Variants in UBAC2 observed in about 807,000 individuals in gnomAD.
UBAC2 encodes the protein UBA domain containing 2.
A neutral mutation model predicts 44.0 loss-of-function variants in UBAC2; 26 were observed. That is an observed-to-expected ratio of 0.59 (90% CI 0.43 to 0.82). The LOEUF (loss-of-function observed/expected upper bound fraction) is 0.82, where lower values mean the gene tolerates loss of function less well. Ranked by LOEUF, UBAC2 falls within the 40% of genes least tolerant of loss-of-function variation. The pLI, the probability that UBAC2 is intolerant of heterozygous loss-of-function variation, is 0.00. For synonymous variants in UBAC2, 155 were observed against 154.3 expected (o/e 1.00, Z -0.04); for missense variants, 329 against 419.4 (o/e 0.78, Z 1.88).
intron 7 of UBAC2, among the ~76,000 whole-genome samples, chr13:99,360,730 C>T (rs1156438100): frequency 6.6e-6 from 1 of 152,152 alleles, no homozygotes; most frequent in African/African-American, 2.4e-5. Context: ...AAGTCTTACC[C>T]CTGTGCTTTG....
chr13:99,273,566 G>C (rs984017454), intron 4 of UBAC2, among the ~76,000 whole-genome samples: 2 of 152,098 alleles, frequency 1.3e-5, no homozygotes, highest in Non-Finnish European at 2.9e-5. Flanking sequence ...TCTCTTGGTA[G>C]GTACCTACCT....
chr13:99,299,297 T>C (rs1477439982), intron 4 of UBAC2, among the ~76,000 whole-genome samples: 1 of 152,238 alleles, frequency 6.6e-6, no homozygotes, highest in Admixed American at 6.5e-5. Context: ...GGCATAGCCA[T>C]ACAGTAGAAT....
At chr13:99,368,025 C>G in intron 8 of UBAC2, 119 bp downstream of exon 8, 1 of 1,228,544 alleles carries the variant, frequency 8.1e-7, no homozygotes, top group East Asian at 2.4e-5. Flanking sequence ...TGACAGCAGT[C>G]CATCTGCCAC....
chr13:99,201,232 C>G, intron 1 of UBAC2: 1 of 1,434,106 alleles, frequency 7.0e-7, no homozygotes, highest in Non-Finnish European at 9.1e-7. Context: ...GGGCAGGTGC[C>G]CTGGTGTTCT....
At chr13:99,256,432 T>C (rs963792122) in intron 4 of UBAC2, 1 of 152,232 alleles carries the variant, frequency 6.6e-6, no homozygotes, top group African/African-American at 2.4e-5. Context: ...AGCTGTTTTC[T>C]AGTGCACAAT....
At chr13:99,380,615 G>A (rs1310635116) in intron 8 of UBAC2, among the ~76,000 whole-genome samples, 3 of 152,284 alleles carry the variant, frequency 2.0e-5, no homozygotes, top group Middle Eastern at 3.4e-3. Context: ...AGCACCCATC[G>A]GAACACCTAT....
intron 7 of UBAC2, among the ~76,000 whole-genome samples, chr13:99,348,602 C>A (rs945241547): frequency 2.0e-5 from 3 of 152,238 alleles, no homozygotes; most frequent in Non-Finnish European, 2.9e-5. Context: ...CTAAGAATTG[C>A]TGTTGTGTTC....
intron 1 of UBAC2, among the ~76,000 whole-genome samples, chr13:99,236,429 G>A (rs528284331): frequency 4.0e-4 from 61 of 152,256 alleles, no homozygotes; most frequent in Non-Finnish European, 7.8e-4. Context: ...CTCAAAAGAA[G>A]ACATACAAAT....
chr13:99,256,771 T>C (rs2043568746), intron 4 of UBAC2, among the ~76,000 whole-genome samples: 1 of 151,018 alleles, frequency 6.6e-6, no homozygotes, highest in African/African-American at 2.4e-5. Flanking sequence ...GCAAATATCA[T>C]TGACTCCTCA....
At chr13:99,232,948 AG>A (rs2043192493) in intron 1 of UBAC2, among the ~76,000 whole-genome samples, 1 of 152,192 alleles carries the variant, frequency 6.6e-6, no homozygotes, top group Admixed American at 6.5e-5. Flanking sequence ...TCTCAAAAAA[AG>A]AAAAGAAAAA....
At chr13:99,336,344 C>T (rs2044788742) in intron 6 of UBAC2, among the ~76,000 whole-genome samples, 2 of 152,202 alleles carry the variant, frequency 1.3e-5, no homozygotes, top group South Asian at 4.1e-4. Flanking sequence ...TAAAGTAGAC[C>T]AGTGTGTGTT....
intron 4 of UBAC2, among the ~76,000 whole-genome samples, chr13:99,280,214 G>A (rs1449097287): frequency 1.3e-5 from 2 of 152,112 alleles, no homozygotes; most frequent in Non-Finnish European, 2.9e-5. Flanking sequence ...GTTTTATAAA[G>A]TTTAACTTGC....
At chr13:99,215,634 G>T (rs912784202) in intron 1 of UBAC2, 3 of 1,333,028 alleles carry the variant, frequency 2.3e-6, no homozygotes, top group African/African-American at 1.4e-5. Flanking sequence ...TCTGTGACCC[G>T]TCGTCCTAGA....
intron 6 of UBAC2, among the ~76,000 whole-genome samples, chr13:99,322,848 G>T (rs1353938494): frequency 6.6e-6 from 1 of 152,170 alleles, no homozygotes; most frequent in Admixed American, 6.5e-5. Flanking sequence ...TAGGACAGGG[G>T]TAGGGAAAAT....
At chr13:99,224,255 C>T (rs988096162) in intron 1 of UBAC2, among the ~76,000 whole-genome samples, 1 of 152,130 alleles carries the variant, frequency 6.6e-6, no homozygotes, top group Non-Finnish European at 1.5e-5. Flanking sequence ...TGGGTCCCTC[C>T]CTTTTCTTAA....
At chr13:99,320,340 G>A (rs528054035) in intron 6 of UBAC2, among the ~76,000 whole-genome samples, 7 of 152,208 alleles carry the variant, frequency 4.6e-5, no homozygotes, top group Non-Finnish European at 7.4e-5. Flanking sequence ...GGAATCAGAC[G>A]TTTAAAATAA....
intron 7 of UBAC2, among the ~76,000 whole-genome samples, chr13:99,342,636 C>T (rs1382348100): frequency 6.6e-6 from 1 of 152,186 alleles, no homozygotes; most frequent in Non-Finnish European, 1.5e-5. Flanking sequence ...GATGGAGCCA[C>T]AGTCATTCTG....
chr13:99,216,165 A>G (rs2042993386), intron 1 of UBAC2, among the ~76,000 whole-genome samples: 1 of 151,706 alleles, frequency 6.6e-6, no homozygotes, highest in Admixed American at 6.6e-5. Context: ...GCAGTGGTGC[A>G]ATCTCGGCTC....
intron 4 of UBAC2, among the ~76,000 whole-genome samples, chr13:99,311,600 A>G (rs2044412048): frequency 6.6e-6 from 1 of 152,244 alleles, no homozygotes. Flanking sequence ...TTGAATATGG[A>G]TCATGTATAA....
Sources: allele counts gnomAD v4.1 joint callset (sites outside exome capture counted in the v4.1 genomes callset), GRCh38; gene constraint gnomAD v4.1.1; transcripts MANE v1.5; gene names NCBI Gene and HGNC (gene_info 2026-07-23, HGNC 2026-07-21).